SLIT3: variants seen among roughly 807,000 people sequenced by gnomAD.
The protein encoded by SLIT3 is slit guidance ligand 3, also known as slit homolog 3 protein.
Under a neutral mutation model 184.0 loss-of-function variants are expected in SLIT3, and 68 were observed. The observed-to-expected ratio is 0.37, with a 90% CI of 0.30 to 0.45. The LOEUF (loss-of-function observed/expected upper bound fraction) is 0.45. SLIT3 is among the 20% of genes least tolerant of loss of function. The probability of loss-of-function intolerance (pLI) is 1.00; values close to 1 mark genes in which losing one functional copy is unlikely to be tolerated. For missense variants in SLIT3, 1,707 were observed against 2,026.0 expected (o/e 0.84, Z 3.02); for synonymous variants, 831 against 828.6 (o/e 1.00, Z -0.05).
At chr5:168,928,154 C>A (rs191025303) in intron 4 of SLIT3, among the ~76,000 whole-genome samples, 1 of 152,098 alleles carries the variant, frequency 6.6e-6, no homozygotes, top group African/African-American at 2.4e-5. Context: ...GTGGCATGTT[C>A]CAAATTTTTG....
At position 168,949,264 on chromosome 5, in the gene SLIT3, C is replaced by CA. The variant is rs1226494338; in HGVS notation, c.414-65929dup. Among the ~76,000 whole-genome samples, 3 of 152,170 alleles carry CA rather than the reference C, an allele frequency of 2.0e-5. No individual in the cohort carries two copies. In the East Asian group the frequency reaches 5.8e-4, roughly 29 times the overall value. ...AGTAAGTGTCACTGAGCATGGGCCA[C>CA]AGAGAATCCTGCAGTCATGGGGACC... On this transcript the variant is annotated intron_variant, in intron 4 of 35. Coordinates refer to ENST00000519560, the MANE Select transcript of SLIT3 (RefSeq NM_003062.4).
At chr5:168,695,827 C>T (rs1000866073) in intron 28 of SLIT3, among the ~76,000 whole-genome samples, 5 of 152,170 alleles carry the variant, frequency 3.3e-5, no homozygotes, top group Non-Finnish European at 5.9e-5. Context: ...GAATCCACGC[C>T]TCTGTCCACC....
chr5:169,143,907 C>T (rs1422595610), intron 4 of SLIT3, among the ~76,000 whole-genome samples: 1 of 152,120 alleles, frequency 6.6e-6, no homozygotes, highest in Non-Finnish European at 1.5e-5. Context: ...AGTCACATGG[C>T]TCCATGGCAA....
At chr5:168,985,757 G>A (rs534170077) in intron 4 of SLIT3, among the ~76,000 whole-genome samples, 3 of 152,232 alleles carry the variant, frequency 2.0e-5, no homozygotes, top group South Asian at 2.1e-4. Flanking sequence ...TGTGGTGGCC[G>A]TCTTGCTACA....
At chr5:169,063,785 C>T (rs932115099) in intron 4 of SLIT3, among the ~76,000 whole-genome samples, 2 of 152,236 alleles carry the variant, frequency 1.3e-5, no homozygotes, top group Admixed American at 6.5e-5. Flanking sequence ...GCGCTAACAG[C>T]TTGCACATTT....
At chr5:169,198,976 A>ACACGCG (rs1554106510) in intron 3 of SLIT3, among the ~76,000 whole-genome samples, 2 of 149,218 alleles carry the variant, frequency 1.3e-5, no homozygotes, top group African/African-American at 4.9e-5. Flanking sequence ...ACACACACAC[A>ACACGCG]TATGTGTGTA....
At chr5:168,746,762 G>A (rs1303399373) in intron 20 of SLIT3, among the ~76,000 whole-genome samples, 1 of 77,036 alleles carries the variant, frequency 1.3e-5, no homozygotes, top group Non-Finnish European at 2.7e-5. Flanking sequence ...GTGTGGCGGT[G>A]TGTGGTGGTG....
chr5:168,970,512 AAAAC>A lies in SLIT3; in HGVS notation c.414-87180_414-87177del, dbSNP rs1342353499. ...CTCTGTCTCAAATAAAAAAAAAAAA[AAAAC>A]AAAGACAAAACAAAAAACAAACAGC... On this transcript the variant is annotated intron_variant, in intron 4 of 35. Transcript: ENST00000519560. 6.2e-4 allele frequency among the ~76,000 whole-genome samples: 94 copies of A among 151,864 alleles called. 1 individual carries two copies. The highest frequency in any genetic ancestry group is 1.3e-3 in the Non-Finnish European group (86 of 67,864).
intron 5 of SLIT3, among the ~76,000 whole-genome samples, chr5:168,871,043 C>T (rs1478364838): frequency 1.3e-5 from 2 of 152,152 alleles, no homozygotes; most frequent in African/African-American, 4.8e-5. Flanking sequence ...GGTCAGAAGT[C>T]CTAGATCAGT....
chr5:168,876,833 CA>C, intron 5 of SLIT3, among the ~76,000 whole-genome samples: 1 of 152,286 alleles, frequency 6.6e-6, no homozygotes, highest in South Asian at 2.1e-4. Context: ...ACAAGAATGG[CA>C]CCTTATTCTT....
chr5:168,933,412 T>G (rs1412856537), intron 4 of SLIT3, among the ~76,000 whole-genome samples: 1 of 152,158 alleles, frequency 6.6e-6, no homozygotes, highest in Non-Finnish European at 1.5e-5. Context: ...CATGGTGGTA[T>G]GCACCTGTAG....
At chr5:168,925,829 A>G (rs1761802829) in intron 4 of SLIT3, among the ~76,000 whole-genome samples, 1 of 152,184 alleles carries the variant, frequency 6.6e-6, no homozygotes, top group South Asian at 2.1e-4. Flanking sequence ...GGCAGTAACA[A>G]GTGAGGTATT....
chr5:168,895,330 C>T (rs1238758238), intron 4 of SLIT3, among the ~76,000 whole-genome samples: 1 of 152,136 alleles, frequency 6.6e-6, no homozygotes. Context: ...TGTGCCTGGG[C>T]TGCGGCTGCC....
chr5:169,223,980 C>A (rs978790523), intron 3 of SLIT3, among the ~76,000 whole-genome samples: 3 of 152,172 alleles, frequency 2.0e-5, no homozygotes, highest in African/African-American at 7.2e-5. Context: ...AAGAAACAGG[C>A]TTTTGACATT....
intron 4 of SLIT3, among the ~76,000 whole-genome samples, chr5:168,965,837 A>C (rs563126928): frequency 6.6e-6 from 1 of 152,304 alleles, no homozygotes; most frequent in South Asian, 2.1e-4. Flanking sequence ...CAACCTCTCC[A>C]ATTGTGAACT....
chr5:168,891,889 T>A (rs1040712367), intron 4 of SLIT3, among the ~76,000 whole-genome samples: 1 of 152,212 alleles, frequency 6.6e-6, no homozygotes, highest in African/African-American at 2.4e-5. Context: ...GGGCTGCATG[T>A]GGACAACAGG....
At chr5:169,071,499 A>C (rs113194716) in intron 4 of SLIT3, among the ~76,000 whole-genome samples, 1,900 of 152,306 alleles carry the variant, frequency 0.012, 44 homozygotes, top group African/African-American at 0.043. Context: ...GGGCACCCAG[A>C]GCGATAAATG....
intron 32 of SLIT3, among the ~76,000 whole-genome samples, chr5:168,683,695 G>A (rs556888672): frequency 2.8e-4 from 42 of 152,302 alleles, no homozygotes; most frequent in African/African-American, 9.6e-4. Flanking sequence ...GCGCACTCCC[G>A]CACAGTAGCC....
chr5:168,663,562 T>C lies in SLIT3; in HGVS notation c.*2892A>G, dbSNP rs1340225864. 1 of 152,332 alleles carries C rather than the reference T, an allele frequency of 6.6e-6. No individual in the cohort carries two copies. The highest frequency in any genetic ancestry group is 2.4e-5 in the African/African-American group (1 of 41,446). The allele number at this position is 152,332 out of a possible 1,614,324, so 9.4% of individuals were successfully genotyped here. On this transcript the variant is annotated 3_prime_UTR_variant, in exon 36 of 36. Transcript: ENST00000519560. ...TGCTCTTCCCTTCCTCAAACAACCC[T>C]GCTGGCACCTGTGGCCCAGTTTAGC...
Sources: gnomAD v4.1 joint callset for allele counts (sites outside exome capture counted in the v4.1 genomes callset) on GRCh38, gnomAD v4.1.1 for gene constraint, MANE v1.5 for transcripts, NCBI Gene and HGNC (gene_info 2026-07-23, HGNC 2026-07-21) for gene names.